The following TRPM3 variants were observed in gnomAD, a reference collection of about 807,000 sequenced individuals.
The protein encoded by TRPM3 is long transient receptor potential channel 3.
Under a neutral mutation model 181.2 loss-of-function variants are expected in TRPM3, and 77 were observed. The observed-to-expected ratio is 0.42, with a 90% CI of 0.35 to 0.51. The LOEUF (loss-of-function observed/expected upper bound fraction) is 0.51. TRPM3 is among the 20% of genes least tolerant of loss of function. The probability of loss-of-function intolerance (pLI) is 0.01; values close to 1 mark genes in which losing one functional copy is unlikely to be tolerated. For synonymous variants in TRPM3, 745 were observed against 796.4 expected, an observed-to-expected ratio of 0.94 and a Z score of 1.09; for missense variants, 1,759 against 2,196.7, an observed-to-expected ratio of 0.80 and a Z score of 3.98.
intron 1 of TRPM3, among the ~76,000 whole-genome samples, chr9:70,974,037 A>G (rs1164221511): frequency 6.6e-6 from 1 of 152,176 alleles, no homozygotes; most frequent in East Asian, 1.9e-4. Flanking sequence ...TATACTTACA[A>G]ATGTTATTAA....
At chr9:71,113,017 G>C (rs1275894876) in intron 1 of TRPM3, among the ~76,000 whole-genome samples, 1 of 152,176 alleles carries the variant, frequency 6.6e-6, no homozygotes, top group East Asian at 1.9e-4. Flanking sequence ...AGTAGGCAGA[G>C]GCCAGATCAC....
At chr9:70,565,100 G>C (rs1169437843) in intron 22 of TRPM3, among the ~76,000 whole-genome samples, 1 of 152,200 alleles carries the variant, frequency 6.6e-6, no homozygotes, top group Non-Finnish European at 1.5e-5. Flanking sequence ...CTAAGCAGCT[G>C]TTGGCTCTTG....
chr9:71,117,627 G>C (rs189207788), intron 1 of TRPM3, among the ~76,000 whole-genome samples: 1 of 152,116 alleles, frequency 6.6e-6, no homozygotes, highest in Non-Finnish European at 1.5e-5. Flanking sequence ...TCACACAGCT[G>C]GTTAGGAACA....
chr9:71,316,007 T>G (rs1814556468), intron 1 of TRPM3, among the ~76,000 whole-genome samples: 1 of 152,182 alleles, frequency 6.6e-6, no homozygotes, highest in Non-Finnish European at 1.5e-5. Context: ...ATTAACCTAG[T>G]TTTATTTTAC....
At chr9:70,542,772 C>T (rs1003839907) in intron 25 of TRPM3, among the ~76,000 whole-genome samples, 3 of 152,154 alleles carry the variant, frequency 2.0e-5, no homozygotes, top group African/African-American at 7.2e-5. Flanking sequence ...CAGTGGGGTG[C>T]ATGTAGGATG....
At chr9:70,943,719 T>C (rs1332413770) in intron 1 of TRPM3, among the ~76,000 whole-genome samples, 1 of 152,196 alleles carries the variant, frequency 6.6e-6, no homozygotes, top group Non-Finnish European at 1.5e-5. Context: ...AACTCTCTGA[T>C]GCTGAATAAC....
chr9:70,798,303 C>T (rs1288009194), intron 6 of TRPM3, among the ~76,000 whole-genome samples: 3 of 152,140 alleles, frequency 2.0e-5, no homozygotes, highest in African/African-American at 4.8e-5. Context: ...GATCTGCCTG[C>T]CTTGACCTCT....
At position 71,415,575 on chromosome 9, in the gene TRPM3, GAAGTAT is replaced by G. The variant is rs145470361; in HGVS notation, c.183+31072_183+31077del. ...GAAATAAATCACCTAGTAAGTTTTAGAAGTATAAGAAAATTACAAGCAGACTTTGAT... is the reference window on the plus strand; with the variant it reads ...GAAATAAATCACCTAGTAAGTTTTAGAAGAAAATTACAAGCAGACTTTGAT... On this transcript the variant is annotated intron_variant, in intron 1 of 24. Transcript: ENST00000357533. 4.3e-4 allele frequency among the ~76,000 whole-genome samples: 66 copies of G among 152,082 alleles called. 1 individual carries two copies. The highest frequency in any genetic ancestry group is 1.6e-3 in the African/African-American group (66 of 41,516).
At chr9:71,063,558 T>C (rs1271336486) in intron 1 of TRPM3, among the ~76,000 whole-genome samples, 1 of 152,092 alleles carries the variant, frequency 6.6e-6, no homozygotes, top group Non-Finnish European at 1.5e-5. Context: ...GAGGAATCTA[T>C]ACTGAAAGAT....
At chr9:70,743,490 C>T (rs1431886475) in intron 8 of TRPM3, among the ~76,000 whole-genome samples, 1 of 152,070 alleles carries the variant, frequency 6.6e-6, no homozygotes, top group African/African-American at 2.4e-5. Flanking sequence ...AAATGATCTC[C>T]TATGCAATCA....
intron 1 of TRPM3, among the ~76,000 whole-genome samples, chr9:71,044,228 C>T (rs1362026261): frequency 3.3e-5 from 5 of 152,118 alleles, no homozygotes; most frequent in African/African-American, 1.2e-4. Context: ...ATTGCTTGTA[C>T]AGAAATGGCA....
intron 1 of TRPM3, among the ~76,000 whole-genome samples, chr9:71,373,328 C>T (rs925056771): frequency 1.4e-5 from 2 of 143,962 alleles, no homozygotes; most frequent in African/African-American, 5.1e-5. Context: ...AAAAAATCAA[C>T]GAATCCAGGA....
At chr9:71,443,809 G>T (rs555894474) in intron 1 of TRPM3, among the ~76,000 whole-genome samples, 1 of 152,212 alleles carries the variant, frequency 6.6e-6, no homozygotes, top group South Asian at 2.1e-4. Flanking sequence ...CTGGATACCA[G>T]GAGTATAGCA....
intron 1 of TRPM3, among the ~76,000 whole-genome samples, chr9:71,184,441 T>G (rs960151522): frequency 1.3e-5 from 2 of 152,150 alleles, no homozygotes; most frequent in Non-Finnish European, 2.9e-5. Context: ...TTTTATTTTC[T>G]CCTTTTGTGT....
intron 1 of TRPM3, among the ~76,000 whole-genome samples, chr9:71,145,963 G>A (rs1441052498): frequency 6.6e-6 from 1 of 151,884 alleles, no homozygotes; most frequent in Non-Finnish European, 1.5e-5. Context: ...CTGCCTAATA[G>A]CATCGTTCTT....
At chr9:71,070,941 T>C (rs2062682806) in intron 1 of TRPM3, among the ~76,000 whole-genome samples, 1 of 152,192 alleles carries the variant, frequency 6.6e-6, no homozygotes, top group Non-Finnish European at 1.5e-5. Context: ...AGCTCTAAGG[T>C]TGTTACAACC....
intron 9 of TRPM3, among the ~76,000 whole-genome samples, chr9:70,653,660 G>A (rs951577743): frequency 7.4e-6 from 1 of 135,446 alleles, no homozygotes; most frequent in Non-Finnish European, 1.6e-5. Flanking sequence ...CTTGGTTTCT[G>A]AGTTTGCTTC....
chr9:71,395,337 G>A (rs187022651), intron 1 of TRPM3, among the ~76,000 whole-genome samples: 18 of 152,240 alleles, frequency 1.2e-4, no homozygotes, highest in South Asian at 8.3e-4. Flanking sequence ...CTTCCTCAGC[G>A]GAACTGTGGA....
chr9:70,632,273 C>G (rs1185450438), intron 12 of TRPM3, among the ~76,000 whole-genome samples: 1 of 152,168 alleles, frequency 6.6e-6, no homozygotes, highest in Non-Finnish European at 1.5e-5. Context: ...CTGAAAATTG[C>G]TGAAAGTCAC....
Sources: allele counts gnomAD v4.1 joint callset (sites outside exome capture counted in the v4.1 genomes callset), GRCh38; gene constraint gnomAD v4.1.1; transcripts MANE v1.5; gene names NCBI Gene and HGNC (gene_info 2026-07-23, HGNC 2026-07-21).